The following F8 variants were observed in gnomAD, a reference collection of about 807,000 sequenced individuals.
The protein encoded by F8 is coagulation factor VIII.
F8 carries 12 observed loss-of-function variants against 140.6 expected under a neutral mutation model. The ratio of observed to expected loss-of-function variants is 0.09; its 90% CI spans 0.05 to 0.14. The LOEUF (loss-of-function observed/expected upper bound fraction) is 0.14. F8 is among the 10% of genes least tolerant of loss of function. The pLI is 1.00. For missense variants in F8, 1,354 were observed against 1,720.7 expected (o/e 0.79, Z 3.77); for synonymous variants, 585 against 614.6 (o/e 0.95, Z 0.71).
rs1437349504 is a variant in F8 at position 154,999,707 on chromosome X, T to A, written c.144-107A>T. On this transcript the variant is annotated intron_variant, in intron 1 of 25. Transcript: ENST00000360256. ...TTCTACTATTAGCAAGGAGGCAAAT[T>A]TGAAGTTGTATATAAATCCCTAACA... 3.6e-5 allele frequency: 35 copies of A among 977,493 alleles called. No homozygotes were observed. In the Admixed American group the frequency reaches 4.8e-4, roughly 13 times the overall value. 80.6% of individuals were successfully genotyped at this position (977,493 alleles called of 1,213,427 possible).
At chrX:154,849,478 T>TA (rs2072597421) in intron 25 of F8, among the ~76,000 whole-genome samples, 1 of 106,324 alleles carries the variant, frequency 9.4e-6, no homozygotes, top group Non-Finnish European at 1.9e-5. Flanking sequence ...TTTTTTTTTT[T>TA]AAAGAGACAA....
At chrX:154,979,844 C>T (rs1557283372) in intron 6 of F8, among the ~76,000 whole-genome samples, 3 of 111,533 alleles carry the variant, frequency 2.7e-5, no homozygotes, top group Non-Finnish European at 1.9e-5. Context: ...CAGAATCCAG[C>T]GTGAGCTCTC....
intron 5 of F8, among the ~76,000 whole-genome samples, 187 bp downstream of exon 5, chrX:154,987,050 T>C (rs1201413709): frequency 6.2e-5 from 7 of 112,165 alleles, no homozygotes; most frequent in African/African-American, 1.6e-4. Context: ...CCAGCTCCTC[T>C]ATCTTCTTAC....
intron 14 of F8, among the ~76,000 whole-genome samples, chrX:154,916,037 G>A (rs12388816): frequency 0.01 from 1,149 of 112,091 alleles, 15 homozygotes; most frequent in African/African-American, 0.036. Flanking sequence ...TTTATTCAAT[G>A]CTTTCTTGAC....
At chrX:154,948,733 C>T (rs781788164) in intron 12 of F8, among the ~76,000 whole-genome samples, 5 of 111,934 alleles carry the variant, frequency 4.5e-5, no homozygotes, top group Non-Finnish European at 9.4e-5. Flanking sequence ...TCCATCCATT[C>T]AATAAACACT....
chrX:154,906,689 T>A, intron 14 of F8, 116 bp from the exon 15 acceptor site: 1 of 656,949 alleles, frequency 1.5e-6, no homozygotes, highest in Non-Finnish European at 2.4e-6. Context: ...AACCACTTCA[T>A]CTTCCTTGAA....
intron 17 of F8, 42 bp from the exon 18 acceptor site, chrX:154,904,130 A>G (rs370451061): frequency 3.4e-5 from 41 of 1,191,666 alleles, no homozygotes; most frequent in Admixed American, 1.5e-4. Context: ...TCTATTATAT[A>G]AGTTTCTTTC....
chrX:154,992,142 C>T (rs782008911), intron 4 of F8, among the ~76,000 whole-genome samples: 18 of 111,723 alleles, frequency 1.6e-4, no homozygotes, highest in Non-Finnish European at 3.2e-4. Context: ...CAGCTCTAGC[C>T]ACTGTTTGAC....
rs149130988 is a variant in F8, at chrX:155,009,182, T to C, written c.144-9582A>G. Among the ~76,000 whole-genome samples, 47 of 110,455 alleles carry C rather than the reference T, an allele frequency of 4.3e-4. No individual in the cohort carries two copies. In the East Asian group the frequency reaches 4.8e-3, roughly 11 times the overall value. ...TCGGCTCACTGCAAGAACATTAATTTATATTTAAACATACTCTAATGTCAT... is the reference window on the plus strand; with the variant it reads ...TCGGCTCACTGCAAGAACATTAATTCATATTTAAACATACTCTAATGTCAT... On this transcript the variant is annotated intron_variant, in intron 1 of 25. Coordinates refer to ENST00000360256, the MANE Select transcript of F8 (RefSeq NM_000132.4).
intron 13 of F8, among the ~76,000 whole-genome samples, chrX:154,942,264 C>T (rs1445175499): frequency 5.5e-5 from 6 of 109,342 alleles, no homozygotes; most frequent in Admixed American, 9.7e-5. Flanking sequence ...ATTGATAGAC[C>T]GCTAGCAAGA....
chrX:154,853,545 G>T (rs954021807), intron 25 of F8, among the ~76,000 whole-genome samples: 2 of 111,333 alleles, frequency 1.8e-5, no homozygotes, highest in Non-Finnish European at 3.8e-5. Context: ...GAATCCTGGA[G>T]GCCTAAACTG....
In F8 at chrX:154,953,934, G is replaced by C. The variant is rs2124090203; in HGVS notation, c.1861C>G (p.Gln621Glu). The change falls in exon 12 of 26, where the codon CAG becomes GAG. Residue 621 changes from glutamine to glutamate, a missense_variant. Physicochemically the swap from Gln to Glu is conservative, Grantham distance 29. Transcript: ENST00000360256. ...QRFLPNPAGV[Q>E]LEDPEFQASN... ...GCTTGGAACTCTGGATCCTCAAGCT[G>C]CACTCCAGCTGGATTGGGGAGAAAG... 2 of 1,211,780 alleles carry C rather than the reference G, an allele frequency of 1.7e-6. No homozygotes were observed. The highest frequency in any genetic ancestry group is 3.0e-5 in the East Asian group (1 of 33,857).
At chrX:154,873,666 A>G (rs1289616185) in intron 22 of F8, among the ~76,000 whole-genome samples, 3 of 112,396 alleles carry the variant, frequency 2.7e-5, no homozygotes, top group Admixed American at 1.9e-4. Flanking sequence ...GGAACAGAAT[A>G]GAAAAGCCCA....
At chrX:154,879,730 G>A (rs1268399518) in intron 22 of F8, among the ~76,000 whole-genome samples, 1 of 111,818 alleles carries the variant, frequency 8.9e-6, no homozygotes, top group Non-Finnish European at 1.9e-5. Context: ...TGTCAGAGGA[G>A]AGGCCTGGTG....
chrX:154,951,685 CT>C (rs1237609874), intron 12 of F8, among the ~76,000 whole-genome samples: 4 of 110,092 alleles, frequency 3.6e-5, no homozygotes, highest in African/African-American at 9.9e-5. Context: ...CCTCCTGGTC[CT>C]TTTTTTTCTT....
chrX:155,012,697 T>G (rs1278097747), intron 1 of F8, among the ~76,000 whole-genome samples: 1 of 108,147 alleles, frequency 9.2e-6, no homozygotes, highest in East Asian at 2.9e-4. Context: ...AAAATAGAAT[T>G]CACAATTAAG....
chrX:154,881,584 C>T (rs782649631), intron 22 of F8, among the ~76,000 whole-genome samples: 110 of 110,057 alleles, frequency 1.0e-3, no homozygotes, highest in African/African-American at 3.6e-3. Context: ...GAATGCATGG[C>T]GGAGCGGGGG....
chrX:154,872,422 C>T (rs2072780653), intron 22 of F8, among the ~76,000 whole-genome samples: 1 of 110,511 alleles, frequency 9.0e-6, no homozygotes, highest in Non-Finnish European at 1.9e-5. Context: ...AGCTGGAAAC[C>T]ATCATTCTCA....
intron 14 of F8, among the ~76,000 whole-genome samples, chrX:154,921,614 G>T (rs1282691501): frequency 1.3e-3 from 150 of 111,406 alleles, no homozygotes; most frequent in Non-Finnish European, 2.1e-3. Flanking sequence ...CAATAGCAAA[G>T]ACTTGGAACC....
Sources: gnomAD v4.1 joint callset for allele counts (sites outside exome capture counted in the v4.1 genomes callset) on GRCh38, gnomAD v4.1.1 for gene constraint, MANE v1.5 for transcripts, NCBI Gene and HGNC (gene_info 2026-07-23, HGNC 2026-07-21) for gene names.